The following TYW1B variants were observed in gnomAD, a reference collection of about 807,000 sequenced individuals.
TYW1B encodes the protein S-adenosyl-L-methionine-dependent tRNA 4-demethylwyosine synthase TYW1B.
TYW1B carries 73 observed loss-of-function variants against 86.9 expected under a neutral mutation model. That is an observed-to-expected ratio of 0.84 (90% confidence interval 0.70 to 1.02). The LOEUF (loss-of-function observed/expected upper bound fraction) is 1.02, where lower values mean the gene tolerates loss of function less well. Ranked by LOEUF, TYW1B falls within the 50% of genes least tolerant of loss-of-function variation. The probability of loss-of-function intolerance (pLI) is 0.00; values close to 1 mark genes in which losing one functional copy is unlikely to be tolerated. For synonymous variants in TYW1B, 248 were observed against 292.8 expected (o/e 0.85, Z 1.56); for missense variants, 637 against 827.4 (o/e 0.77, Z 2.82).
intron 6 of TYW1B, among the ~76,000 whole-genome samples, chr7:72,782,694 T>C (rs188633679): frequency 6.6e-6 from 1 of 152,114 alleles, no homozygotes; most frequent in Admixed American, 6.6e-5. Context: ...CTGGCCAACA[T>C]GGCAAAACCC....
intron 9 of TYW1B, among the ~76,000 whole-genome samples, chr7:72,720,915 C>T (rs1356035357): frequency 2.2e-5 from 3 of 136,160 alleles, no homozygotes; most frequent in African/African-American, 8.3e-5. Context: ...CAACCCATGA[C>T]AGGCCCCGAT....
chr7:72,744,336 A>G (rs1554463042), intron 8 of TYW1B, 148 bp downstream of exon 8: 2 of 771,008 alleles, frequency 2.6e-6, no homozygotes. Context: ...ATATTTGTCT[A>G]CAAAATTTTT....
intron 2 of TYW1B, among the ~76,000 whole-genome samples, chr7:72,820,949 A>G (rs1788816489): frequency 6.6e-6 from 1 of 152,196 alleles, no homozygotes; most frequent in Non-Finnish European, 1.5e-5. Flanking sequence ...GCTACGGAAG[A>G]CAAAGAATTC....
intron 12 of TYW1B, among the ~76,000 whole-genome samples, chr7:72,625,709 C>G (rs1554438661): frequency 6.6e-6 from 1 of 152,072 alleles, no homozygotes; most frequent in African/African-American, 2.4e-5. Flanking sequence ...AGACAGAAGG[C>G]TTTATCTATT....
chr7:72,669,041 T>C (rs1392939255), intron 11 of TYW1B, among the ~76,000 whole-genome samples: 3 of 151,856 alleles, frequency 2.0e-5, no homozygotes, highest in Non-Finnish European at 2.9e-5. Context: ...TTGGTGGAAA[T>C]TATTATAGTA....
chr7:72,751,041 CT>C (rs376564412), intron 7 of TYW1B, among the ~76,000 whole-genome samples: 306 of 146,404 alleles, frequency 2.1e-3, no homozygotes, highest in Middle Eastern at 6.9e-3. Flanking sequence ...GGTAAATTCC[CT>C]TTTTTTTTTT....
chr7:72,587,291 T>C (rs1430666230), intron 13 of TYW1B, among the ~76,000 whole-genome samples: 2 of 152,188 alleles, frequency 1.3e-5, no homozygotes, highest in African/African-American at 4.8e-5. Flanking sequence ...CCTTGCCCAC[T>C]GCCTAGACAG....
rs782020340 is a variant in TYW1B at position 72,807,090 on chromosome 7, G to T, written c.699C>A (p.Asp233Glu). The T allele has an allele frequency of 1.2e-6, 2 of 1,613,948 alleles. No homozygotes were observed. The highest frequency in any genetic ancestry group is 1.7e-6 in the Non-Finnish European group (2 of 1,179,990). ...CCTTGGTGTCTCTGTGATGCAATTC[G>T]TCCTGCTCTTGAGATCCTTCCTCCC... ...EEREEGSQEQ[D>E]ELHHRDTKEE... Residue 233 changes from aspartate to glutamate, a missense_variant, in exon 5 of 14, where the codon GAC (aspartate) becomes GAA (glutamate). Transcript: ENST00000620995.
rs1196012237 is a variant in TYW1B, at chr7:72,625,900, G to GGA, written c.1617+2986_1617+2987insTC. Among the ~76,000 whole-genome samples the GGA allele has an allele frequency of 2.2e-3, 176 of 81,556 alleles. 3 individuals are homozygous for GGA. In the East Asian group the frequency reaches 0.041, roughly 19 times the overall value. 53.5% of individuals were successfully genotyped at this position (81,556 alleles called of 152,430 possible). ...AAGGAGGGGGGAGAGGTGGGGCGGG[G>GGA]GGGGGGGAAGAAAGGAAGGAAATGA... On this transcript the variant is annotated intron_variant, in intron 12 of 13. Transcript: ENST00000620995.
intron 11 of TYW1B, among the ~76,000 whole-genome samples, chr7:72,633,188 C>T (rs1426951083): frequency 6.6e-6 from 1 of 152,252 alleles, no homozygotes; most frequent in Non-Finnish European, 1.5e-5. Context: ...TTTGCATTGG[C>T]CTGCCCCTTA....
At chr7:72,745,799 C>T (rs1554463675) in intron 7 of TYW1B, among the ~76,000 whole-genome samples, 1 of 151,370 alleles carries the variant, frequency 6.6e-6, no homozygotes, top group Non-Finnish European at 1.5e-5. Flanking sequence ...CAACAACGAA[C>T]AAGCAGAAGG....
intron 6 of TYW1B, among the ~76,000 whole-genome samples, chr7:72,794,077 C>T (rs1788266047): frequency 6.6e-6 from 1 of 152,196 alleles, no homozygotes; most frequent in African/African-American, 2.4e-5. Context: ...GTGAGCACTG[C>T]TGCTAGGTAG....
chr7:72,783,523 T>C (rs1173579826), intron 6 of TYW1B, among the ~76,000 whole-genome samples: 3 of 152,112 alleles, frequency 2.0e-5, no homozygotes, highest in African/African-American at 7.2e-5. Flanking sequence ...TAATATTTAA[T>C]AACTTTTGCT....
intron 11 of TYW1B, among the ~76,000 whole-genome samples, chr7:72,670,705 C>T (rs1401614007): frequency 3.9e-5 from 6 of 152,026 alleles, no homozygotes; most frequent in African/African-American, 1.2e-4. Context: ...TAGACAAACA[C>T]GAACTCTAAA....
intron 8 of TYW1B, among the ~76,000 whole-genome samples, chr7:72,737,987 G>A (rs1787228029): frequency 6.6e-6 from 1 of 151,796 alleles, no homozygotes; most frequent in Non-Finnish European, 1.5e-5. Flanking sequence ...TGTTAGCCAG[G>A]ATGGTCTCGA....
intron 10 of TYW1B, among the ~76,000 whole-genome samples, chr7:72,696,769 A>G (rs1471729595): frequency 1.3e-5 from 2 of 152,154 alleles, no homozygotes; most frequent in Non-Finnish European, 2.9e-5. Context: ...ACTTCTGTTA[A>G]AAGTGGAGAG....
At chr7:72,813,122 C>T (rs1788652797) in intron 3 of TYW1B, among the ~76,000 whole-genome samples, 1 of 151,844 alleles carries the variant, frequency 6.6e-6, no homozygotes, top group Admixed American at 6.6e-5. Context: ...GAAGATACTA[C>T]CTGGCCCTTT....
chr7:72,756,910 G>C (rs912623309), intron 7 of TYW1B, among the ~76,000 whole-genome samples: 2 of 152,150 alleles, frequency 1.3e-5, no homozygotes, highest in Non-Finnish European at 2.9e-5. Context: ...CTGGTTGTTA[G>C]GAAGATGCAA....
chr7:72,613,469 C>T lies in TYW1B; in HGVS notation c.1785+3203G>A, dbSNP rs1180395136. Among the ~76,000 whole-genome samples the T allele has an allele frequency of 5.4e-5, 7 of 129,328 alleles. No individual in the cohort carries two copies. In the Admixed American group the frequency reaches 6.8e-4, roughly 13 times the overall value. The allele number at this position is 129,328 out of a possible 152,430, so 84.8% of individuals were successfully genotyped here. The stretch of plus-strand genomic sequence containing the variant: ...TTCGCCCAGGCTGGAGTGCAGTCGT[C>T]CAGGCTTGACTCACTGCAACCTCCA... On this transcript the variant is annotated intron_variant, in intron 13 of 13. Transcript: ENST00000620995.
Sources: gnomAD v4.1 joint callset for allele counts (sites outside exome capture counted in the v4.1 genomes callset) on GRCh38, gnomAD v4.1.1 for gene constraint, MANE v1.5 for transcripts, NCBI Gene and HGNC (gene_info 2026-07-23, HGNC 2026-07-21) for gene names.